POLR3A: variants seen among roughly 807,000 people sequenced by gnomAD.
The protein encoded by POLR3A is RNA polymerase III subunit A.
In POLR3A, 112 loss-of-function variants were observed where a neutral mutation model predicts 152.8. The ratio of observed to expected loss-of-function variants is 0.73; its 90% confidence interval spans 0.63 to 0.86. POLR3A has a LOEUF of 0.86. Among genes scored for constraint, POLR3A ranks in the 40% least tolerant of loss-of-function variants. The probability of loss-of-function intolerance (pLI) is 0.00; values close to 1 mark genes in which losing one functional copy is unlikely to be tolerated. For missense variants in POLR3A, 1,385 were observed against 1,743.1 expected (o/e 0.79, Z 3.66); for synonymous variants, 615 against 652.1 (o/e 0.94, Z 0.87).
At chr10:77,982,854 GTGT>G in intron 26 of POLR3A, 37 bp from the exon 27 acceptor site, 1 of 1,603,856 alleles carries the variant, frequency 6.2e-7, no homozygotes, top group Non-Finnish European at 8.5e-7. Context: ...ACTGATTCCA[GTGT>G]TGTTCTTCGT....
Position 77,985,974 on chromosome 10 carries a change from CA to C in POLR3A, c.2999del (p.Leu1000ArgfsTer12). 6.2e-7 allele frequency: 1 copy of C among 1,614,064 alleles called. No individual in the cohort carries two copies. ...TGGGGGTGATGCGGTCCAGCTGGTA[CA>C]GCACACGGGGCTGGGAGAATACAAG... Reference protein sequence around the residue: ...NDNGTTEPRVLYQLDRITPTQ... With the variant: ...NDNGTTEPRVXYQLDRITPTQ... On this transcript the variant is annotated frameshift_variant, in exon 23 of 31. Transcript: ENST00000372371. LOFTEE classifies it high-confidence loss of function.
Position 78,021,200 on chromosome 10 carries a change from C to T in POLR3A, c.1185+346G>A, listed in dbSNP as rs1021990004. ...CAGGTTGGTCTTGAACTCCCGGGCT[C>T]GGATGATCCACCTGCCTTGGCCTCC... On this transcript the variant is annotated intron_variant, in intron 8 of 30. Transcript: ENST00000372371. Among the ~76,000 whole-genome samples, 5 of 152,282 alleles carry T rather than the reference C, an allele frequency of 3.3e-5. No individual in the cohort carries two copies. In the East Asian group the frequency reaches 5.8e-4, roughly 18 times the overall value.
intron 23 of POLR3A, 131 bp downstream of exon 23, chr10:77,985,772 T>C: frequency 2.7e-6 from 2 of 748,464 alleles, no homozygotes; most frequent in Non-Finnish European, 2.4e-6. Context: ...CTACAGAAAA[T>C]GTGACAGAAT....
At chr10:77,980,858 T>C (rs1351721822) in intron 29 of POLR3A, among the ~76,000 whole-genome samples, 1 of 152,162 alleles carries the variant, frequency 6.6e-6, no homozygotes, top group Admixed American at 6.5e-5. Context: ...TTCCCTCACC[T>C]GGTTTCTAAA....
At chr10:77,979,134 T>G (rs1194961225) in intron 30 of POLR3A, among the ~76,000 whole-genome samples, 1 of 152,210 alleles carries the variant, frequency 6.6e-6, no homozygotes, top group Non-Finnish European at 1.5e-5. Flanking sequence ...TAAAGACTTA[T>G]GTAATATTTA....
At chr10:77,998,575 G>A (rs958523807) in intron 19 of POLR3A, among the ~76,000 whole-genome samples, 1 of 152,196 alleles carries the variant, frequency 6.6e-6, no homozygotes, top group Non-Finnish European at 1.5e-5. Context: ...GGCCATCAGA[G>A]AAACGGAAAT....
chr10:78,000,630 G>A (rs923895620), intron 18 of POLR3A, among the ~76,000 whole-genome samples: 3 of 152,208 alleles, frequency 2.0e-5, no homozygotes, highest in African/African-American at 7.2e-5. Context: ...TGAACTGTGT[G>A]CCTTACATGG....
intron 29 of POLR3A, among the ~76,000 whole-genome samples, chr10:77,981,007 C>T (rs765633323): frequency 8.5e-5 from 13 of 152,064 alleles, no homozygotes; most frequent in South Asian, 2.1e-4. Context: ...CTCAGCCTCC[C>T]GCCCCCAACT....
intron 16 of POLR3A, among the ~76,000 whole-genome samples, chr10:78,003,769 A>C (rs559431111): frequency 6.7e-6 from 1 of 149,674 alleles, no homozygotes; most frequent in African/African-American, 2.5e-5. Flanking sequence ...CTAAAAATGC[A>C]AAAAAAAAAT....
At position 78,025,272 on chromosome 10, in the gene POLR3A, A is replaced by G. The variant is rs1847621561; in HGVS notation, c.319-130T>C. The G allele has an allele frequency of 4.3e-6, 4 of 925,698 alleles. No homozygotes were observed. The East Asian group carries it at 1.0e-4, about 24-fold the overall frequency. 57.3% of individuals were successfully genotyped at this position (925,698 alleles called of 1,614,324 possible). A position where few individuals can be genotyped will look rare whatever the true frequency, so the allele number is the denominator to read the frequency against. The stretch of plus-strand genomic sequence containing the variant: ...TATACACAGATCTGCAAATGGCTCT[A>G]TACTATGGATATGCAGAGAGGAAGC... On this transcript the variant is annotated intron_variant, in intron 3 of 30. Coordinates refer to ENST00000372371, the MANE Select transcript of POLR3A (RefSeq NM_007055.4).
At position 78,004,890 on chromosome 10, in the gene POLR3A, T is replaced by A; in HGVS notation, c.2075-2A>T. On this transcript the variant is annotated splice_acceptor_variant, in intron 15 of 30. Coordinates refer to ENST00000372371, the MANE Select transcript of POLR3A (RefSeq NM_007055.4). LOFTEE classifies it high-confidence loss of function. ...TCCCAATTGAGAAACCACGGTTAGC[T>A]GTTGAGTTGGTAGAGCAGGAAGAAA... 6.2e-7 allele frequency: 1 copy of A among 1,613,980 alleles called. No homozygotes were observed. Among genetic ancestry groups the A allele is most frequent in the Non-Finnish European group, 8.5e-7 (1 of 1,179,862 alleles).
intron 4 of POLR3A, 104 bp downstream of exon 4, chr10:78,024,867 T>C (rs1847616520): frequency 2.7e-6 from 4 of 1,475,648 alleles, no homozygotes; most frequent in Admixed American, 1.7e-5. Context: ...GCCTAATTTA[T>C]AAGGAGAAAA....
At chr10:78,017,476 GATAAC>G in intron 10 of POLR3A, 94 bp downstream of exon 10, 1 of 1,231,548 alleles carries the variant, frequency 8.1e-7, no homozygotes, top group Non-Finnish European at 1.2e-6. Flanking sequence ...GAAAACTTGA[GATAAC>G]AGGCAATTTT....
chr10:77,995,625 T>C (rs1383869160), intron 19 of POLR3A, among the ~76,000 whole-genome samples: 1 of 151,992 alleles, frequency 6.6e-6, no homozygotes, highest in Non-Finnish European at 1.5e-5. Flanking sequence ...CCTAAATATA[T>C]ATGCACCCAA....
At chr10:78,018,022 A>T (rs1847541547) in intron 9 of POLR3A, among the ~76,000 whole-genome samples, 1 of 151,818 alleles carries the variant, frequency 6.6e-6, no homozygotes, top group African/African-American at 2.4e-5. Flanking sequence ...AAAAATACAA[A>T]AATTAGCCAA....
At chr10:77,991,525 A>G (rs765899238) in intron 20 of POLR3A, among the ~76,000 whole-genome samples, 3 of 152,026 alleles carry the variant, frequency 2.0e-5, no homozygotes, top group Non-Finnish European at 4.4e-5. Context: ...GAAGCTCATA[A>G]ATTTCTCTTT....
At chr10:78,010,075 G>T in intron 12 of POLR3A, 84 bp from the exon 13 acceptor site, 1 of 1,542,616 alleles carries the variant, frequency 6.5e-7, no homozygotes, top group South Asian at 1.2e-5. Flanking sequence ...AAATAAATTT[G>T]AACCATGACC....
Position 78,009,567 on chromosome 10 carries a change from T to C in POLR3A, c.1879A>G (p.Lys627Glu), listed in dbSNP as rs756141411. 2 of 1,614,212 alleles carry C rather than the reference T, an allele frequency of 1.2e-6. No homozygotes were observed. The highest frequency in any genetic ancestry group is 3.3e-5 in the Admixed American group (2 of 60,014). ...LRTKGKQYCGKGEDLCANDSY... is the reference protein window; with the variant it reads ...LRTKGKQYCGEGEDLCANDSY... ...TCATTGGCACAGAGATCTTCCCCTTTGCCACAGTACTGCTTGCCCTTGGTT... is the reference window on the plus strand; with the variant it reads ...TCATTGGCACAGAGATCTTCCCCTTCGCCACAGTACTGCTTGCCCTTGGTT... Residue 627 changes from lysine to glutamate, a missense_variant, in exon 14 of 31, where the codon AAA (lysine) becomes GAA (glutamate). Around this residue, in one of 7 missense-constraint regions of POLR3A, gnomAD observed 188 missense variants for 179.9 expected, o/e 1.04. Transcript: ENST00000372371.
chr10:77,977,409 A>C lies in POLR3A; in HGVS notation c.*69T>G. ...AGGACCCCCGTCCCAGGGAGCACAA[A>C]ACTCTTTATACATCAGCTGGAGACA... is the stretch of plus-strand genomic sequence containing the variant. On this transcript the variant is annotated 3_prime_UTR_variant, in exon 31 of 31. Coordinates refer to ENST00000372371, the MANE Select transcript of POLR3A (RefSeq NM_007055.4). 2 of 1,562,348 alleles carry C rather than the reference A, an allele frequency of 1.3e-6. No individual in the cohort carries two copies. The highest frequency in any genetic ancestry group is 1.8e-6 in the Non-Finnish European group (2 of 1,134,080).
Sources: gnomAD v4.1 joint callset for allele counts (sites outside exome capture counted in the v4.1 genomes callset) on GRCh38, gnomAD v4.1.1 for gene constraint, gnomAD v4.1.1 regional missense constraint, MANE v1.5 for transcripts, NCBI Gene and HGNC (gene_info 2026-07-23, HGNC 2026-07-21) for gene names.